TRIM9: variants seen among roughly 807,000 people sequenced by gnomAD.
TRIM9 encodes the protein tripartite motif containing 9.
A neutral mutation model predicts 78.3 loss-of-function variants in TRIM9; 26 were observed. The ratio of observed to expected loss-of-function variants is 0.33; its 90% confidence interval spans 0.24 to 0.46. The LOEUF is 0.46. Among genes scored for constraint, TRIM9 ranks in the 20% least tolerant of loss-of-function variants. The pLI is 1.00. For missense variants in TRIM9, 787 were observed against 1,036.4 expected (o/e 0.76, Z 3.30); for synonymous variants, 398 against 416.5 (o/e 0.96, Z 0.54).
intron 1 of TRIM9, among the ~76,000 whole-genome samples, chr14:51,053,596 T>TTA (rs2060636613): frequency 3.5e-5 from 2 of 56,460 alleles, no homozygotes; most frequent in Non-Finnish European, 8.2e-5. Context: ...TTTTTTTTAA[T>TTA]TTTTTTTTTT....
intron 1 of TRIM9, among the ~76,000 whole-genome samples, chr14:51,071,203 C>T (rs1292662361): frequency 6.6e-6 from 1 of 151,478 alleles, no homozygotes; most frequent in East Asian, 1.9e-4. Context: ...ATGGCAAAAC[C>T]CTATCTCTAC....
At chr14:50,983,147 T>C (rs1278535877) in intron 9 of TRIM9, among the ~76,000 whole-genome samples, 182 bp from the exon 10 acceptor site, 1 of 152,126 alleles carries the variant, frequency 6.6e-6, no homozygotes, top group Non-Finnish European at 1.5e-5. Flanking sequence ...TCATAAAGAG[T>C]GCTTTGCACT....
chr14:50,976,676 C>G lies in TRIM9; in HGVS notation c.*615G>C, dbSNP rs2139243982. On this transcript the variant is annotated 3_prime_UTR_variant, in exon 13 of 13. Transcript: ENST00000684578. ...ATAGAGCCATCCTAACGATCCTACC[C>G]TGATGTGAACCTGTGTAGCGGATAT... 6.5e-6 allele frequency: 1 copy of G among 152,790 alleles called. No homozygotes were observed. The highest frequency in any genetic ancestry group is 1.5e-5 in the Non-Finnish European group (1 of 68,052). The allele number at this position is 152,790 out of a possible 1,614,324, so 9.5% of individuals were successfully genotyped here. A position where few individuals can be genotyped will look rare whatever the true frequency, so the allele number is the denominator to read the frequency against.
Position 51,051,863 on chromosome 14 carries a change from A to G in TRIM9, c.823-26503T>C, listed in dbSNP as rs534722363. On this transcript the variant is annotated intron_variant, in intron 1 of 12. Coordinates refer to ENST00000684578, the MANE Select transcript of TRIM9 (RefSeq NM_001387360.1). ...GTGCCTGTGATCCCAGCTACTAAGGAGGCTGAGGTGAGATAATTGCTTGAA... is the reference window on the plus strand; with the variant it reads ...GTGCCTGTGATCCCAGCTACTAAGGGGGCTGAGGTGAGATAATTGCTTGAA... Among the ~76,000 whole-genome samples the G allele has an allele frequency of 2.6e-4, 39 of 152,136 alleles. No homozygotes were observed. In the South Asian group the frequency reaches 8.1e-3, roughly 32 times the overall value.
chr14:51,023,107 C>T (rs2057913169), intron 2 of TRIM9, 150 bp from the exon 3 acceptor site: 1 of 1,027,478 alleles, frequency 9.7e-7, no homozygotes, highest in Middle Eastern at 2.1e-4. Flanking sequence ...ACTGGATAAA[C>T]TTTATTCTAC....
intron 1 of TRIM9, among the ~76,000 whole-genome samples, chr14:51,061,292 A>T (rs990842828): frequency 7.9e-5 from 12 of 152,090 alleles, no homozygotes; most frequent in Non-Finnish European, 8.8e-5. Context: ...GGGCACCTGT[A>T]ATCCCAGCTA....
At chr14:50,996,141 T>C (rs1281282370) in intron 7 of TRIM9, 13 of 985,112 alleles carry the variant, frequency 1.3e-5, no homozygotes, top group Non-Finnish European at 1.4e-5. Context: ...AATACTGATA[T>C]CTATATGATG....
chr14:51,018,659 C>T (rs746290407), intron 3 of TRIM9, among the ~76,000 whole-genome samples: 2 of 152,164 alleles, frequency 1.3e-5, no homozygotes, highest in African/African-American at 2.4e-5. Context: ...CTACAATGGG[C>T]ACACGGAGGC....
rs972800908 is a variant in TRIM9, at chr14:51,071,445, C to T, written c.822+22673G>A. On this transcript the variant is annotated intron_variant, in intron 1 of 12. Coordinates refer to ENST00000684578, the MANE Select transcript of TRIM9 (RefSeq NM_001387360.1). The stretch of plus-strand genomic sequence containing the variant: ...AGAAAAGAAAGTGGAGACAAATAGA[C>T]TTCACTTGAAATGCCAACTCTGATA... Among the ~76,000 whole-genome samples, 10 of 149,096 alleles carry T rather than the reference C, an allele frequency of 6.7e-5. No individual in the cohort carries two copies. The Middle Eastern group carries it at 0.011, about 161-fold the overall frequency.
At chr14:51,023,078 T>A in intron 2 of TRIM9, 121 bp from the exon 3 acceptor site, 1 of 1,346,572 alleles carries the variant, frequency 7.4e-7, no homozygotes. Context: ...AATGCACATT[T>A]GGTAATTTTA....
intron 12 of TRIM9, 63 bp from the exon 13 acceptor site, chr14:50,977,416 T>C (rs1347840963): frequency 1.5e-6 from 2 of 1,293,288 alleles, no homozygotes; most frequent in South Asian, 2.0e-5. Flanking sequence ...TTACACAGTG[T>C]ACCGTGGGTG....
At chr14:51,024,993 A>G (rs999962871) in intron 2 of TRIM9, among the ~76,000 whole-genome samples, 4 of 152,198 alleles carry the variant, frequency 2.6e-5, no homozygotes. Context: ...CTTTCTGAAT[A>G]TTCAGTAGTA....
At chr14:51,028,251 A>AT (rs1445011503) in intron 1 of TRIM9, among the ~76,000 whole-genome samples, 4 of 110,936 alleles carry the variant, frequency 3.6e-5, no homozygotes, top group African/African-American at 1.3e-4. Flanking sequence ...CTGGTATTTG[A>AT]TAAAAAATTG....
chr14:51,008,996 T>A, intron 5 of TRIM9, 84 bp downstream of exon 5: 1 of 1,390,714 alleles, frequency 7.2e-7, no homozygotes, highest in East Asian at 2.3e-5. Flanking sequence ...CTTGTTACAT[T>A]AGCCAAAGGG....
At chr14:51,032,275 T>G (rs1170184760) in intron 1 of TRIM9, among the ~76,000 whole-genome samples, 1 of 152,220 alleles carries the variant, frequency 6.6e-6, no homozygotes, top group African/African-American at 2.4e-5. Flanking sequence ...GTTTCAGTGG[T>G]GGCATTTCAC....
intron 1 of TRIM9, among the ~76,000 whole-genome samples, chr14:51,083,800 A>C (rs2063523511): frequency 6.6e-6 from 1 of 152,216 alleles, no homozygotes; most frequent in South Asian, 2.1e-4. Flanking sequence ...ATAACAAAAA[A>C]TGTGAACTTC....
At chr14:50,981,773 A>G in intron 11 of TRIM9, 27 bp downstream of exon 11, 2 of 1,611,978 alleles carry the variant, frequency 1.2e-6, no homozygotes, top group Admixed American at 3.3e-5. Context: ...AACGTGAAGA[A>G]GGCTTGGTTT....
intron 7 of TRIM9, among the ~76,000 whole-genome samples, chr14:50,995,522 G>A (rs930626385): frequency 1.3e-5 from 2 of 152,110 alleles, no homozygotes; most frequent in African/African-American, 4.8e-5. Context: ...CCTGCATAAC[G>A]TTACCTTTAG....
At chr14:50,986,203 C>G in intron 7 of TRIM9, 59 bp from the exon 8 acceptor site, 3 of 1,352,378 alleles carry the variant, frequency 2.2e-6, no homozygotes, top group Non-Finnish European at 2.9e-6. Flanking sequence ...TCCCCGTGCA[C>G]GGTTCCCCAA....
Sources: allele counts gnomAD v4.1 joint callset (sites outside exome capture counted in the v4.1 genomes callset), GRCh38; gene constraint gnomAD v4.1.1; transcripts MANE v1.5; gene names NCBI Gene and HGNC (gene_info 2026-07-23, HGNC 2026-07-21).